The following SENP7 variants were observed in gnomAD, a reference collection of about 807,000 sequenced individuals.
SENP7 encodes the protein sentrin-specific protease 7.
SENP7 carries 64 observed loss-of-function variants against 141.2 expected under a neutral mutation model. The ratio of observed to expected loss-of-function variants is 0.45; its 90% CI spans 0.37 to 0.56. SENP7 has a LOEUF of 0.56. Ranked by LOEUF, SENP7 falls within the 20% of genes least tolerant of loss-of-function variation. SENP7 has a pLI of 0.00. For synonymous variants in SENP7, 382 were observed against 426.4 expected (o/e 0.90, Z 1.28); for missense variants, 1,025 against 1,212.2 (o/e 0.85, Z 2.29).
At chr3:101,433,667 G>A (rs2062270516) in intron 4 of SENP7, among the ~76,000 whole-genome samples, 1 of 152,014 alleles carries the variant, frequency 6.6e-6, no homozygotes. Context: ...GATAAGAAGA[G>A]ACAAATGGGT....
chr3:101,367,278 T>A (rs895101775), intron 8 of SENP7, among the ~76,000 whole-genome samples: 1 of 152,126 alleles, frequency 6.6e-6, no homozygotes, highest in Non-Finnish European at 1.5e-5. Context: ...TGAAATGATT[T>A]ATGGATCAAA....
intron 17 of SENP7, among the ~76,000 whole-genome samples, chr3:101,333,447 T>C (rs762931648): frequency 1.6e-4 from 24 of 152,232 alleles, no homozygotes; most frequent in Admixed American, 3.9e-4. Flanking sequence ...ACTTGGGGGA[T>C]TGCTTAATCT....
rs2059908416 is a variant in SENP7 at position 101,361,789 on chromosome 3, C to G, written c.1549G>C (p.Asp517His). ...ISSIMPSNEM[D>H]LQLDFIFTSV... ...GTAAATATAAAATCCAGTTGTAGAT[C>G]CATCTCATTACTAGGCATAATACTG... Residue 517 changes from aspartate (D) to histidine (H), a missense_variant, in exon 11 of 24, where the codon GAT (aspartate) becomes CAT (histidine). Asp to His is a moderately conservative substitution (Grantham distance 81, BLOSUM62 -1). Transcript: ENST00000394095. 6.2e-7 allele frequency: 1 copy of G among 1,608,554 alleles called. No individual in the cohort carries two copies. The highest frequency in any genetic ancestry group is 8.5e-7 in the Non-Finnish European group (1 of 1,178,036).
At chr3:101,423,449 G>C (rs1366280692) in intron 4 of SENP7, among the ~76,000 whole-genome samples, 1 of 152,166 alleles carries the variant, frequency 6.6e-6, no homozygotes, top group East Asian at 1.9e-4. Flanking sequence ...TACATGGCTA[G>C]TGGTGGGAAT....
chr3:101,327,904 G>C, intron 22 of SENP7, 88 bp from the exon 23 acceptor site: 1 of 1,123,746 alleles, frequency 8.9e-7, no homozygotes, highest in East Asian at 2.7e-5. Context: ...AACATTTGTT[G>C]CCAGATGTGC....
intron 6 of SENP7, among the ~76,000 whole-genome samples, chr3:101,392,980 C>G (rs2060858620): frequency 6.6e-6 from 1 of 152,046 alleles, no homozygotes; most frequent in Admixed American, 6.6e-5. Flanking sequence ...AAGACCCCAT[C>G]TCTTTAAAAA....
intron 15 of SENP7, 37 bp downstream of exon 15, chr3:101,341,609 T>C (rs755030748): frequency 7.7e-6 from 11 of 1,428,570 alleles, no homozygotes; most frequent in Middle Eastern, 1.9e-4. Context: ...ACTACTAATA[T>C]GCCCATCTAC....
intron 3 of SENP7, among the ~76,000 whole-genome samples, chr3:101,468,374 T>C (rs2063842589): frequency 6.6e-6 from 1 of 152,010 alleles, no homozygotes; most frequent in African/African-American, 2.4e-5. Flanking sequence ...AAAGATACTC[T>C]GTGAGAAGAG....
chr3:101,358,057 T>C, intron 11 of SENP7: 1 of 646,130 alleles, frequency 1.5e-6, no homozygotes, highest in South Asian at 1.7e-5. Context: ...CCTCAACCCT[T>C]ATTAAACATG....
intron 6 of SENP7, among the ~76,000 whole-genome samples, chr3:101,389,310 C>G (rs1389991638): frequency 6.6e-6 from 1 of 151,962 alleles, no homozygotes; most frequent in Non-Finnish European, 1.5e-5. Flanking sequence ...TACAGAGATC[C>G]TCAAATAGAT....
intron 3 of SENP7, among the ~76,000 whole-genome samples, chr3:101,479,300 C>A (rs2064349113): frequency 6.6e-6 from 1 of 152,140 alleles, no homozygotes; most frequent in Non-Finnish European, 1.5e-5. Context: ...TTTAGAAAAA[C>A]CTAAAAACTT....
At chr3:101,482,873 T>G (rs2064555731) in intron 3 of SENP7, among the ~76,000 whole-genome samples, 1 of 152,034 alleles carries the variant, frequency 6.6e-6, no homozygotes, top group Admixed American at 6.6e-5. Context: ...TTCCTTTCAA[T>G]CCATATCAAA....
At chr3:101,455,607 A>G (rs1383829697) in intron 4 of SENP7, among the ~76,000 whole-genome samples, 1 of 152,184 alleles carries the variant, frequency 6.6e-6, no homozygotes, top group Non-Finnish European at 1.5e-5. Flanking sequence ...GATAGTGAAA[A>G]TGAGATCAAG....
chr3:101,376,479 T>C (rs1362352386), intron 6 of SENP7, among the ~76,000 whole-genome samples: 1 of 152,070 alleles, frequency 6.6e-6, no homozygotes, highest in Admixed American at 6.6e-5. Flanking sequence ...CAGAGTAACA[T>C]CAACAAGTAA....
At chr3:101,382,954 T>C in intron 6 of SENP7, among the ~76,000 whole-genome samples, 1 of 151,734 alleles carries the variant, frequency 6.6e-6, no homozygotes, top group East Asian at 1.9e-4. Flanking sequence ...TTAATGAGAG[T>C]TTTTAAAATG....
intron 2 of SENP7, among the ~76,000 whole-genome samples, chr3:101,498,381 A>G (rs906132594): frequency 6.6e-6 from 1 of 152,178 alleles, no homozygotes; most frequent in African/African-American, 2.4e-5. Flanking sequence ...ATATATCACT[A>G]TCATGTACCC....
chr3:101,380,638 TA>T (rs5851270), intron 6 of SENP7, among the ~76,000 whole-genome samples: 65,267 of 135,412 alleles, frequency 0.48, 14,920 homozygotes, highest in South Asian at 0.54. Flanking sequence ...GACCTATCTC[TA>T]AAAAAAAAAA....
chr3:101,490,629 G>A (rs1167818827), intron 3 of SENP7, among the ~76,000 whole-genome samples: 2 of 152,088 alleles, frequency 1.3e-5, no homozygotes, highest in African/African-American at 4.8e-5. Context: ...ATGACAATAT[G>A]TTACTCTAGT....
chr3:101,349,643 C>A (rs1290997906), intron 12 of SENP7, among the ~76,000 whole-genome samples: 2 of 151,868 alleles, frequency 1.3e-5, no homozygotes, highest in African/African-American at 4.8e-5. Context: ...ATGTAACAGA[C>A]CTGCACGTTG....
Sources: gnomAD v4.1 joint callset for allele counts (sites outside exome capture counted in the v4.1 genomes callset) on GRCh38, gnomAD v4.1.1 for gene constraint, MANE v1.5 for transcripts, NCBI Gene and HGNC (gene_info 2026-07-23, HGNC 2026-07-21) for gene names.